Variants in LRBA observed in about 807,000 individuals in gnomAD.
LRBA encodes lipopolysaccharide-responsive and beige-like anchor protein.
Under a neutral mutation model 330.0 loss-of-function variants are expected in LRBA, and 176 were observed. That is an observed-to-expected ratio of 0.53 (90% CI 0.47 to 0.60). The LOEUF (loss-of-function observed/expected upper bound fraction) is 0.60. Ranked by LOEUF, LRBA falls within the 20% of genes least tolerant of loss-of-function variation. The probability of loss-of-function intolerance (pLI) is 0.00; values close to 1 mark genes in which losing one functional copy is unlikely to be tolerated. For synonymous variants in LRBA, 1,230 were observed against 1,193.0 expected, an observed-to-expected ratio of 1.03 and a Z score of -0.64; for missense variants, 3,259 against 3,444.8, an observed-to-expected ratio of 0.95 and a Z score of 1.35.
At chr4:150,897,455 C>G (rs1296493159) in intron 15 of LRBA, among the ~76,000 whole-genome samples, 1 of 151,956 alleles carries the variant, frequency 6.6e-6, no homozygotes, top group Non-Finnish European at 1.5e-5. Context: ...GTGCCAAATA[C>G]TAACAGAAAC....
upstream of LRBA, chr4:151,015,487 C>T (rs1745317542): frequency 6.5e-6 from 1 of 152,942 alleles, no homozygotes; most frequent in Non-Finnish European, 1.5e-5. Context: ...TCGCAGCCTC[C>T]AAGTTTCCCT....
At chr4:150,572,476 T>C (rs1400181505) in intron 40 of LRBA, among the ~76,000 whole-genome samples, 1 of 152,142 alleles carries the variant, frequency 6.6e-6, no homozygotes, top group East Asian at 1.9e-4. Context: ...AACTTAATTA[T>C]CTTTGCAGAA....
Position 150,648,158 on chromosome 4 carries a change from C to CAAAAAAAAAAAAAAAAAAAAAAAAAAAA in LRBA, c.5921+35392_5921+35393insTTTTTTTTTTTTTTTTTTTTTTTTTTTT. Among the ~76,000 whole-genome samples the CAAAAAAAAAAAAAAAAAAAAAAAAAAAA allele has an allele frequency of 4.5e-3, 81 of 18,064 alleles. 21 individuals carry two copies. The highest frequency in any genetic ancestry group is 8.5e-3 in the Non-Finnish European group (48 of 5,676). The allele number at this position is 18,064 out of a possible 152,430, so 11.9% of individuals were successfully genotyped here. ...TCAGAAGAGAAAGGAACACAAGTAG[C>CAAAAAAAAAAAAAAAAAAAAAAAAAAAA]AAAAAAAAAAAAAAAAAAACTAGAA... On this transcript the variant is annotated intron_variant, in intron 37 of 56. Transcript: ENST00000651943.
intron 37 of LRBA, among the ~76,000 whole-genome samples, chr4:150,604,747 C>T (rs1296083214): frequency 6.6e-6 from 1 of 152,126 alleles, no homozygotes; most frequent in Non-Finnish European, 1.5e-5. Flanking sequence ...GCTCACTGTA[C>T]ATTACTATAT....
At chr4:150,729,523 CTA>C (rs1459629391) in intron 36 of LRBA, among the ~76,000 whole-genome samples, 4 of 152,046 alleles carry the variant, frequency 2.6e-5, no homozygotes, top group African/African-American at 9.7e-5. Context: ...GAAGGATATT[CTA>C]TGTTTATGGA....
rs544047708 is a variant in LRBA at position 150,832,018 on chromosome 4, A to C, written c.4570-42T>G. ...AAGGAGTTGATTATGTAACCATAAAATAACATCATTATATTTTACATCACA... is the reference window on the plus strand; with the variant it reads ...AAGGAGTTGATTATGTAACCATAAACTAACATCATTATATTTTACATCACA... On this transcript the variant is annotated intron_variant, in intron 28 of 56. Coordinates refer to ENST00000651943, the MANE Select transcript of LRBA (RefSeq NM_001364905.1). 10 of 1,236,742 alleles carry C rather than the reference A, an allele frequency of 8.1e-6. No homozygotes were observed. The East Asian group carries it at 2.6e-4, about 32-fold the overall frequency. 76.6% of individuals were successfully genotyped at this position (1,236,742 alleles called of 1,614,324 possible).
rs5862917 is a variant in LRBA, at chr4:150,375,622, A to AT, written c.7195-25464dup. Among the ~76,000 whole-genome samples the AT allele has an allele frequency of 4.5e-3, 647 of 143,412 alleles. 1 individual carries two copies. Among genetic ancestry groups the AT allele is most frequent in the East Asian group, 8.9e-3 (43 of 4,850 alleles). 94.1% of individuals were successfully genotyped at this position (143,412 alleles called of 152,430 possible). On this transcript the variant is annotated intron_variant, in intron 47 of 56. Transcript: ENST00000651943. Reference sequence around the variant, plus strand: ...TACAGGTGCGCACCACCACACCTGTATTTTTTTTTTTTTTGAATTTTTAGT... The same window carrying AT: ...TACAGGTGCGCACCACCACACCTGTATTTTTTTTTTTTTTTGAATTTTTAGT...
At chr4:150,602,616 G>GTAT (rs2126530150) in intron 37 of LRBA, among the ~76,000 whole-genome samples, 1 of 152,168 alleles carries the variant, frequency 6.6e-6, no homozygotes, top group South Asian at 2.1e-4. Flanking sequence ...TTTTAAAACA[G>GTAT]TATTATAAAG....
intron 47 of LRBA, 70 bp downstream of exon 47, chr4:150,415,368 A>G (rs1000885030): frequency 2.1e-6 from 3 of 1,423,740 alleles, no homozygotes; most frequent in East Asian, 4.6e-5. Context: ...GTTAATGATT[A>G]TACACCAACA....
chr4:150,972,634 T>C (rs1490798324), intron 2 of LRBA, among the ~76,000 whole-genome samples: 1 of 152,246 alleles, frequency 6.6e-6, no homozygotes, highest in African/African-American at 2.4e-5. Context: ...TTTCCTCTAA[T>C]GGTGTACATT....
In LRBA at chr4:150,916,737, G is replaced by C; in HGVS notation, c.647C>G (p.Ala216Gly). 6.5e-7 allele frequency: 1 copy of C among 1,537,004 alleles called. No individual in the cohort carries two copies. The highest frequency in any genetic ancestry group is 8.7e-7 in the Non-Finnish European group (1 of 1,148,358). Reference sequence around the variant, plus strand: ...TTTGGCTATAGGAGGTAATGCAATAGCCTAAAGGAAAGAAACTTTGAGTTA... The same window carrying C: ...TTTGGCTATAGGAGGTAATGCAATACCCTAAAGGAAAGAAACTTTGAGTTA... ...FFNFPGKSAA[A>G]IALPPIAKWP... Residue 216 changes from alanine (A) to glycine (G), a missense_variant and splice_region_variant, in exon 6 of 57, where the codon GCT becomes GGT. Coordinates refer to ENST00000651943, the MANE Select transcript of LRBA (RefSeq NM_001364905.1).
intron 37 of LRBA, among the ~76,000 whole-genome samples, chr4:150,675,475 T>C (rs1782446164): frequency 2.0e-5 from 3 of 151,732 alleles, no homozygotes; most frequent in Admixed American, 1.3e-4. Context: ...TCTCAGCACT[T>C]TGAGAGGCCG....
chr4:150,973,414 G>A (rs998823935), intron 2 of LRBA, among the ~76,000 whole-genome samples: 5 of 152,046 alleles, frequency 3.3e-5, no homozygotes, highest in Admixed American at 2.6e-4. Context: ...TGATCTGCCC[G>A]CCTCAGCCTC....
At chr4:150,624,595 T>C (rs529107120) in intron 37 of LRBA, among the ~76,000 whole-genome samples, 52 of 152,262 alleles carry the variant, frequency 3.4e-4, no homozygotes, top group African/African-American at 1.2e-3. Flanking sequence ...TGTTTAAATA[T>C]TGTTTAGTAG....
intron 2 of LRBA, among the ~76,000 whole-genome samples, chr4:150,979,600 A>C (rs996361844): frequency 6.6e-5 from 10 of 152,206 alleles, no homozygotes; most frequent in African/African-American, 2.2e-4. Context: ...AAAAGTTAAA[A>C]AGCAGGGAGA....
At chr4:150,703,712 G>A (rs1785335299) in intron 36 of LRBA, among the ~76,000 whole-genome samples, 1 of 152,120 alleles carries the variant, frequency 6.6e-6, no homozygotes, top group East Asian at 1.9e-4. Flanking sequence ...ATTGTAATAA[G>A]AGAAGTGATA....
intron 37 of LRBA, among the ~76,000 whole-genome samples, chr4:150,658,491 A>T (rs1223237089): frequency 4.0e-5 from 3 of 74,904 alleles, no homozygotes; most frequent in East Asian, 4.8e-4. Context: ...TGAAAAACCT[A>T]TCAGAAAATA....
chr4:150,680,570 A>C (rs1258419511), intron 37 of LRBA, among the ~76,000 whole-genome samples: 1 of 152,218 alleles, frequency 6.6e-6, no homozygotes, highest in East Asian at 1.9e-4. Flanking sequence ...AAGGGTATTA[A>C]GTCTACCAAC....
intron 47 of LRBA, among the ~76,000 whole-genome samples, chr4:150,366,250 T>G (rs1470444320): frequency 6.6e-5 from 10 of 152,126 alleles, no homozygotes; most frequent in Admixed American, 6.6e-4. Flanking sequence ...CTATAAAATA[T>G]GAGTTAGAAT....
Sources: gnomAD v4.1 joint callset for allele counts (sites outside exome capture counted in the v4.1 genomes callset) on GRCh38, gnomAD v4.1.1 for gene constraint, MANE v1.5 for transcripts, NCBI Gene and HGNC (gene_info 2026-07-23, HGNC 2026-07-21) for gene names.